Variants in PDE8B observed in about 807,000 individuals in gnomAD.
PDE8B encodes the protein phosphodiesterase 8B.
PDE8B carries 26 observed loss-of-function variants against 101.3 expected under a neutral mutation model. The ratio of observed to expected loss-of-function variants is 0.26; its 90% confidence interval spans 0.19 to 0.36. PDE8B has a LOEUF of 0.36. Among genes scored for constraint, PDE8B ranks in the 10% least tolerant of loss-of-function variants. The pLI is 1.00. For synonymous variants in PDE8B, 424 were observed against 429.3 expected, an observed-to-expected ratio of 0.99 and a Z score of 0.15; for missense variants, 810 against 1,163.1, an observed-to-expected ratio of 0.70 and a Z score of 4.42.
chr5:77,238,167 T>C (rs1208796982), intron 1 of PDE8B, among the ~76,000 whole-genome samples: 2 of 152,206 alleles, frequency 1.3e-5, no homozygotes, highest in Non-Finnish European at 2.9e-5. Context: ...CCATTATTTC[T>C]TCAAATATTT....
rs190465605 is a variant in PDE8B, at chr5:77,385,501, T to C, written c.1168-14747T>C. Among the ~76,000 whole-genome samples the C allele has an allele frequency of 2.3e-3, 350 of 152,122 alleles. 1 individual carries two copies. Among genetic ancestry groups the C allele is most frequent in the African/African-American group, 7.9e-3 (326 of 41,524 alleles). On this transcript the variant is annotated intron_variant, in intron 10 of 21. Transcript: ENST00000264917. Reference sequence around the variant, plus strand: ...TTCAATTCTGCTCTGATCTTAGTTATTCCTTGTCTTCTGCTAGCTTTTGAA... The same window carrying C: ...TTCAATTCTGCTCTGATCTTAGTTACTCCTTGTCTTCTGCTAGCTTTTGAA...
the PDE8B span, among the ~76,000 whole-genome samples, chr5:77,179,968 T>C: frequency 6.6e-6 from 1 of 152,276 alleles, no homozygotes; most frequent in African/African-American, 2.4e-5. Flanking sequence ...AAAATCTCTT[T>C]AAAATTATAG....
chr5:77,273,787 A>C (rs1198056276), intron 1 of PDE8B, among the ~76,000 whole-genome samples: 2 of 152,082 alleles, frequency 1.3e-5, no homozygotes, highest in Non-Finnish European at 2.9e-5. Context: ...GAGAACTTCC[A>C]GGTAGTTCCA....
chr5:77,312,163 G>A (rs979804190), intron 2 of PDE8B, 110 bp downstream of exon 2: 26 of 781,170 alleles, frequency 3.3e-5, no homozygotes, highest in Non-Finnish European at 4.9e-5. Flanking sequence ...GAGTGTAGAG[G>A]CTCAGTCTCG....
intron 10 of PDE8B, among the ~76,000 whole-genome samples, chr5:77,391,890 G>A (rs1351933219): frequency 1.3e-5 from 2 of 151,934 alleles, no homozygotes; most frequent in Non-Finnish European, 2.9e-5. Flanking sequence ...ACTTGTTTTT[G>A]TGTTAAAGCT....
intron 10 of PDE8B, among the ~76,000 whole-genome samples, chr5:77,388,638 C>T (rs918584669): frequency 5.3e-5 from 8 of 152,204 alleles, no homozygotes; most frequent in African/African-American, 9.7e-5. Flanking sequence ...GCTGTCAGGC[C>T]GGGATGTTTA....
intron 1 of PDE8B, among the ~76,000 whole-genome samples, chr5:77,255,206 T>C (rs935778874): frequency 6.6e-6 from 1 of 152,190 alleles, no homozygotes; most frequent in African/African-American, 2.4e-5. Flanking sequence ...TTTCATCTGT[T>C]CCCCAACCAG....
chr5:77,378,039 C>CAG (rs150173029), intron 10 of PDE8B, among the ~76,000 whole-genome samples: 3 of 137,742 alleles, frequency 2.2e-5, no homozygotes, highest in Admixed American at 2.1e-4. Context: ...CACACACACA[C>CAG]ACACACACAC....
intron 13 of PDE8B, 91 bp downstream of exon 13, chr5:77,407,548 C>T (rs1014744352): frequency 3.2e-6 from 3 of 930,206 alleles, no homozygotes; most frequent in Non-Finnish European, 3.6e-6. Context: ...TCATGGAGCT[C>T]AGTCTAGTGG....
At chr5:77,370,756 G>A (rs1784944097) in intron 10 of PDE8B, among the ~76,000 whole-genome samples, 1 of 152,146 alleles carries the variant, frequency 6.6e-6, no homozygotes, top group Non-Finnish European at 1.5e-5. Flanking sequence ...GTAGTTTTTA[G>A]CATTTGACAT....
At chr5:77,327,354 A>C (rs1426462239) in intron 3 of PDE8B, among the ~76,000 whole-genome samples, 1 of 152,168 alleles carries the variant, frequency 6.6e-6, no homozygotes, top group East Asian at 1.9e-4. Context: ...GATGAGAGAA[A>C]AGAGACAGCA....
chr5:77,240,917 G>A (rs908324494), intron 1 of PDE8B, among the ~76,000 whole-genome samples: 7 of 152,160 alleles, frequency 4.6e-5, no homozygotes, highest in Admixed American at 2.0e-4. Flanking sequence ...ACTAAGCAGC[G>A]TTTTCCTAAA....
At position 77,331,241 on chromosome 5, in the gene PDE8B, G is replaced by GCA; in HGVS notation, c.651-161_651-160insCA. 14 of 750,736 alleles carry GCA rather than the reference G, an allele frequency of 1.9e-5. No homozygotes were observed. In the South Asian group the frequency reaches 1.9e-4, roughly 10 times the overall value. The allele number at this position is 750,736 out of a possible 1,614,324, so 46.5% of individuals were successfully genotyped here. Reference sequence around the variant, plus strand: ...TTTGCATCTGGAAGGTAGATGTGGGGTCTGTATCCTTGAAGGCAGGTGTGC... The same window carrying GCA: ...TTTGCATCTGGAAGGTAGATGTGGGGCATCTGTATCCTTGAAGGCAGGTGTGC... On this transcript the variant is annotated intron_variant, in intron 4 of 21. Transcript: ENST00000264917.
intron 1 of PDE8B, among the ~76,000 whole-genome samples, chr5:77,299,439 C>A (rs1442472013): frequency 8.7e-6 from 1 of 115,390 alleles, no homozygotes; most frequent in Non-Finnish European, 1.7e-5. Flanking sequence ...CACCCCACAA[C>A]AGTCCCCGGA....
intron 6 of PDE8B, among the ~76,000 whole-genome samples, chr5:77,339,176 A>G (rs982100623): frequency 2.6e-5 from 4 of 152,196 alleles, no homozygotes; most frequent in African/African-American, 7.2e-5. Flanking sequence ...GCAAGTTTCT[A>G]AGTACATTAT....
intron 2 of PDE8B, among the ~76,000 whole-genome samples, chr5:77,317,385 A>G (rs577540981): frequency 2.6e-5 from 4 of 152,272 alleles, no homozygotes; most frequent in African/African-American, 9.6e-5. Flanking sequence ...ATATTTCAGG[A>G]TAGAGTTGCT....
intron 20 of PDE8B, among the ~76,000 whole-genome samples, chr5:77,424,838 T>TTTTAA (rs1457443800): frequency 1.3e-5 from 2 of 151,462 alleles, no homozygotes; most frequent in African/African-American, 4.9e-5. Flanking sequence ...TTTTTGTTTT[T>TTTTAA]AATGTGAGAC....
chr5:77,228,166 C>T (rs916649945), intron 1 of PDE8B, among the ~76,000 whole-genome samples: 5 of 152,326 alleles, frequency 3.3e-5, no homozygotes, highest in African/African-American at 1.2e-4. Context: ...AGAGCTTTAG[C>T]TCCTTGTTGA....
At chr5:77,133,453 A>T in the PDE8B span, among the ~76,000 whole-genome samples, 1 of 152,250 alleles carries the variant, frequency 6.6e-6, no homozygotes, top group African/African-American at 2.4e-5. Context: ...TTGTGGCAAT[A>T]GCTTTTGGTA....
Sources: allele counts gnomAD v4.1 joint callset (sites outside exome capture counted in the v4.1 genomes callset), GRCh38; gene constraint gnomAD v4.1.1; transcripts MANE v1.5; gene names NCBI Gene and HGNC (gene_info 2026-07-23, HGNC 2026-07-21).